Variants in CPNE7 observed in about 807,000 individuals in gnomAD.
CPNE7 encodes copine-7.
In CPNE7, 78 loss-of-function variants were observed where a neutral mutation model predicts 66.5. The observed-to-expected ratio is 1.17, with a 90% confidence interval of 0.98 to 1.42. The LOEUF is 1.42. Among genes scored for constraint, CPNE7 ranks in the 40% most tolerant of loss-of-function variants. CPNE7 has a pLI of 0.00. For synonymous variants in CPNE7, 468 were observed against 336.7 expected (o/e 1.39, Z -4.27); for missense variants, 1,012 against 776.6 (o/e 1.30, Z -3.60).
rs1327548185 is a variant in CPNE7 at position 89,597,075 on chromosome 16, ACAGT to A, written c.*458_*461del. 41 of 155,316 alleles carry A rather than the reference ACAGT, an allele frequency of 2.6e-4. No individual in the cohort carries two copies. The highest frequency in any genetic ancestry group is 2.1e-4 in the Non-Finnish European group (15 of 70,386). 9.6% of individuals were successfully genotyped at this position (155,316 alleles called of 1,614,324 possible). A position where few individuals can be genotyped will look rare whatever the true frequency, so the allele number is the denominator to read the frequency against. On this transcript the variant is annotated 3_prime_UTR_variant, in exon 15 of 15. Transcript: ENST00000319518. ...CTGGGGACCCAGACATCCTGTCCCC[ACAGT>A]CAGCCTCCTGTCCCTGCTGGTGCCC...
chr16:89,583,901 C>G (rs186909019), intron 3 of CPNE7, 127 bp from the exon 4 acceptor site: 1 of 1,435,864 alleles, frequency 7.0e-7, no homozygotes, highest in Non-Finnish European at 9.6e-7. Context: ...TACACAGCCC[C>G]GGGGGTACAC....
Position 89,584,964 on chromosome 16 carries a change from G to A in CPNE7, c.591+107G>A, listed in dbSNP as rs927824258. 13 of 1,019,378 alleles carry A rather than the reference G, an allele frequency of 1.3e-5. No homozygotes were observed. The African/African-American group carries it at 1.9e-4, about 15-fold the overall frequency. The allele number at this position is 1,019,378 out of a possible 1,614,324, so 63.1% of individuals were successfully genotyped here. On this transcript the variant is annotated intron_variant, in intron 5 of 14. Coordinates refer to ENST00000319518, the MANE Select transcript of CPNE7 (RefSeq NM_153636.3). The surrounding 1 kb of genome is among the most constrained non-coding windows in gnomAD (Gnocchi z 6.0). The stretch of plus-strand genomic sequence containing the variant: ...TCCCAGCCTCCAACAGGGAGCTGTG[G>A]GCGCAGGGCTTTGGTGGCTGTGGCT...
chr16:89,586,455 A>C (rs1255971930), intron 7 of CPNE7, among the ~76,000 whole-genome samples: 1 of 151,646 alleles, frequency 6.6e-6, no homozygotes. Context: ...GGGCTTAATG[A>C]CAGGGCCATG....
Position 89,596,524 on chromosome 16 carries a change from T to G in CPNE7, c.1580T>G (p.Val527Gly). 1 of 1,610,044 alleles carries G rather than the reference T, an allele frequency of 6.2e-7. No individual in the cohort carries two copies. The highest frequency in any genetic ancestry group is 8.5e-7 in the Non-Finnish European group (1 of 1,179,786). The change falls in exon 15 of 15, where the codon GTC becomes GGC. Residue 527 changes from valine to glycine, a missense_variant. Transcript: ENST00000319518. ...AALAKCVLAE[V>G]PKQVVEYYSH... ...CTGGCCAAGTGCGTGCTGGCCGAGG[T>G]CCCGAAGCAGGTGGTGGAGTACTAC...
intron 13 of CPNE7, 106 bp downstream of exon 13, chr16:89,591,366 A>T: frequency 7.1e-7 from 1 of 1,413,154 alleles, no homozygotes; most frequent in Non-Finnish European, 9.3e-7. Context: ...GCCAGCGCAG[A>T]GGCCCCCAGG....
Position 89,591,059 on chromosome 16 carries a change from G to A in CPNE7, c.1168+1G>A, listed in dbSNP as rs1409944020. The stretch of plus-strand genomic sequence containing the variant: ...AACCCTGAGGACGATGAGTGTGAAG[G>A]TAGGAGCTCGAGGCAGGCCTGGGGA... On this transcript the variant is annotated splice_donor_variant, in intron 12 of 14. Coordinates refer to ENST00000319518, the MANE Select transcript of CPNE7 (RefSeq NM_153636.3). LOFTEE classifies it high-confidence loss of function. 2 of 1,613,554 alleles carry A rather than the reference G, an allele frequency of 1.2e-6. No individual in the cohort carries two copies. Among genetic ancestry groups the A allele is most frequent in the Non-Finnish European group, 1.7e-6 (2 of 1,179,902 alleles).
chr16:89,586,055 C>T (rs1299749138), intron 7 of CPNE7, among the ~76,000 whole-genome samples: 1 of 12,828 alleles, frequency 7.8e-5, no homozygotes, highest in South Asian at 1.3e-3. Context: ...CAGGGAGGGG[C>T]AGGTGAGGGG....
intron 2 of CPNE7, among the ~76,000 whole-genome samples, chr16:89,579,162 C>T (rs560200459): frequency 1.9e-4 from 29 of 151,130 alleles, no homozygotes; most frequent in South Asian, 1.1e-3. Flanking sequence ...CGTGGTGGTG[C>T]GTGCCTGTAG....
intron 13 of CPNE7, chr16:89,594,112 C>T (rs754243798): frequency 6.6e-6 from 1 of 151,456 alleles, no homozygotes; most frequent in African/African-American, 2.4e-5. Flanking sequence ...GCTGAGCCCT[C>T]GGTCCCTCTC....
rs954697094 is a variant in CPNE7, at chr16:89,596,882, T to A, written c.*261T>A. ...TGGAGGGAGGGAGATCATGAGGGAC[T>A]TGGAGGGAGCTGGGAGTTCATCCAC... On this transcript the variant is annotated 3_prime_UTR_variant, in exon 15 of 15. Coordinates refer to ENST00000319518, the MANE Select transcript of CPNE7 (RefSeq NM_153636.3). 1 of 396,254 alleles carries A rather than the reference T, an allele frequency of 2.5e-6. No individual in the cohort carries two copies. The highest frequency in any genetic ancestry group is 2.1e-5 in the African/African-American group (1 of 48,190). 24.5% of individuals were successfully genotyped at this position (396,254 alleles called of 1,614,324 possible). A position where few individuals can be genotyped will look rare whatever the true frequency, so the allele number is the denominator to read the frequency against.
rs1052271089 is a variant in CPNE7, at chr16:89,588,726, C to G, written c.979C>G (p.Leu327Val). The G allele has an allele frequency of 1.2e-6, 2 of 1,613,532 alleles. No homozygotes were observed. The highest frequency in any genetic ancestry group is 2.2e-5 in the East Asian group (1 of 44,896). Residue 327 changes from leucine to valine, a missense_variant, in exon 10 of 15, where the codon CTG becomes GTG. Leu to Val is a conservative substitution (Grantham distance 32). Coordinates refer to ENST00000319518, the MANE Select transcript of CPNE7 (RefSeq NM_153636.3). ...SNGDPRNSCS[L>V]HYINPYQPNE... is the part of the protein sequence containing the mutation. ...TGGAGACCCGCGGAACAGCTGCTCC[C>G]TGCACTACATCAACCCCTACCAGCC...
At chr16:89,585,203 G>C (rs1454101112) in intron 5 of CPNE7, among the ~76,000 whole-genome samples, 1 of 152,252 alleles carries the variant, frequency 6.6e-6, no homozygotes, top group African/African-American at 2.4e-5. Flanking sequence ...TTAAGGAAGA[G>C]AGCAGCGCAG....
chr16:89,585,575 G>A (rs1485074248), intron 6 of CPNE7, 22 bp downstream of exon 6: 7 of 1,600,406 alleles, frequency 4.4e-6, no homozygotes, highest in Admixed American at 1.7e-5. Flanking sequence ...GATGGACCAA[G>A]GGGGCAGTGA....
intron 10 of CPNE7, 138 bp from the exon 11 acceptor site, chr16:89,589,759 C>G: frequency 1.2e-6 from 1 of 857,354 alleles, no homozygotes; most frequent in South Asian, 1.6e-5. Context: ...TTCCCCACCT[C>G]TGGCAGGTGC....
rs540289128 is a variant in CPNE7, at chr16:89,581,171, G to A, written c.358-2526G>A. Among the ~76,000 whole-genome samples, 12 of 148,634 alleles carry A rather than the reference G, an allele frequency of 8.1e-5. No homozygotes were observed. The South Asian group carries it at 1.7e-3, about 21-fold the overall frequency. ...TGGAACATCCCGTCACCCGTCACACGGAACATTCCGTCTCCCGCTGACACG... is the reference window on the plus strand; with the variant it reads ...TGGAACATCCCGTCACCCGTCACACAGAACATTCCGTCTCCCGCTGACACG... On this transcript the variant is annotated intron_variant, in intron 2 of 14. Coordinates refer to ENST00000319518, the MANE Select transcript of CPNE7 (RefSeq NM_153636.3).
In CPNE7 at chr16:89,595,241, C is replaced by T. The variant is rs920052986; in HGVS notation, c.1303-126C>T. On this transcript the variant is annotated intron_variant, in intron 13 of 14. Coordinates refer to ENST00000319518, the MANE Select transcript of CPNE7 (RefSeq NM_153636.3). ...ATGTTTGTGATGTAGGCATCACACT[C>T]TGAAGGCGGTTCTAGGAAGCTCTGA... 1.1e-5 allele frequency: 8 copies of T among 724,778 alleles called. No individual in the cohort carries two copies. The African/African-American group carries it at 1.2e-4, about 11-fold the overall frequency. The allele number at this position is 724,778 out of a possible 1,614,324, so 44.9% of individuals were successfully genotyped here.
At position 89,584,882 on chromosome 16, in the gene CPNE7, A is replaced by T; in HGVS notation, c.591+25A>T. ...GGTGAGCGGCCGGGGATGGGAACAC[A>T]GGGAGGGGAAGGGGCTGTCCCCAGC... On this transcript the variant is annotated intron_variant, in intron 5 of 14. Transcript: ENST00000319518. The surrounding 1 kb of genome is among the most constrained non-coding windows in gnomAD (Gnocchi z 6.0). The T allele has an allele frequency of 6.3e-7, 1 of 1,591,378 alleles. No individual in the cohort carries two copies. Among genetic ancestry groups the T allele is most frequent in the Non-Finnish European group, 8.6e-7 (1 of 1,161,172 alleles).
intron 9 of CPNE7, chr16:89,587,456 C>T (rs2059072695): frequency 7.1e-6 from 3 of 421,800 alleles, no homozygotes; most frequent in Non-Finnish European, 1.4e-5. Context: ...CCCTTTTGCG[C>T]AGGCGAGGAA....
chr16:89,586,295 C>T (rs2059037276), intron 7 of CPNE7, among the ~76,000 whole-genome samples: 1 of 152,010 alleles, frequency 6.6e-6, no homozygotes, highest in African/African-American at 2.4e-5. Flanking sequence ...TTTCAGGCAC[C>T]ATCTGGGTCT....
Sources: gnomAD v4.1 joint callset for allele counts (sites outside exome capture counted in the v4.1 genomes callset) on GRCh38, gnomAD v4.1.1 for gene constraint, Gnocchi (gnomAD v3.1) non-coding constraint, MANE v1.5 for transcripts, NCBI Gene and HGNC (gene_info 2026-07-23, HGNC 2026-07-21) for gene names.